The following GLDC variants were observed in gnomAD, a reference collection of about 807,000 sequenced individuals.
GLDC encodes the protein glycine dehydrogenase (decarboxylating), mitochondrial.
A neutral mutation model predicts 121.3 loss-of-function variants in GLDC; 104 were observed. That is an observed-to-expected ratio of 0.86 (90% CI 0.73 to 1.01). GLDC has a LOEUF of 1.01. Ranked by LOEUF, GLDC falls within the 50% of genes least tolerant of loss-of-function variation. The pLI is 0.00. For missense variants in GLDC, 1,429 were observed against 1,306.6 expected (o/e 1.09, Z -1.44); for synonymous variants, 546 against 480.6 (o/e 1.14, Z -1.78).
At chr9:6,586,050 C>T (rs745767323) in intron 15 of GLDC, among the ~76,000 whole-genome samples, 1 of 152,068 alleles carries the variant, frequency 6.6e-6, no homozygotes, top group Admixed American at 6.6e-5. Context: ...AATCCCAACA[C>T]TTTGGGAGGC....
rs1211189662 is a variant in GLDC, at chr9:6,631,228, CAG to C, written c.335-10911_335-10910del. ...GCCTCATTCAGTCCTTCCTGACCCT[CAG>C]GGGTTACCGCTCTCCTCAGGACACC... On this transcript the variant is annotated intron_variant, in intron 2 of 24. Transcript: ENST00000321612. Among the ~76,000 whole-genome samples the C allele has an allele frequency of 2.6e-5, 4 of 152,352 alleles. No homozygotes were observed. The East Asian group carries it at 5.8e-4, about 22-fold the overall frequency.
intron 3 of GLDC, among the ~76,000 whole-genome samples, chr9:6,611,117 G>C (rs1387381923): frequency 6.6e-6 from 1 of 152,156 alleles, no homozygotes; most frequent in Admixed American, 6.6e-5. Context: ...TCATTATCCA[G>C]TTACTAAGAG....
chr9:6,589,890 A>G (rs1301639675), intron 11 of GLDC, among the ~76,000 whole-genome samples: 1 of 152,118 alleles, frequency 6.6e-6, no homozygotes, highest in Non-Finnish European at 1.5e-5. Context: ...CCCCGTCTCT[A>G]CTAAAAAATA....
chr9:6,546,843 T>G (rs774705637), intron 21 of GLDC, among the ~76,000 whole-genome samples: 25 of 151,922 alleles, frequency 1.6e-4, no homozygotes, highest in Non-Finnish European at 3.2e-4. Context: ...ACACCTGTAG[T>G]CCCAGCTACT....
intron 23 of GLDC, 93 bp downstream of exon 23, chr9:6,535,971 C>G (rs1587909418): frequency 1.9e-6 from 2 of 1,049,360 alleles, no homozygotes; most frequent in Non-Finnish European, 1.5e-6. Flanking sequence ...GAGTATCATC[C>G]TCAGTTGAGA....
Position 6,644,509 on chromosome 9 carries a change from C to G in GLDC, c.334+105G>C. 11 of 786,548 alleles carry G rather than the reference C, an allele frequency of 1.4e-5. No homozygotes were observed. In the South Asian group the frequency reaches 1.5e-4, roughly 11 times the overall value. 48.7% of individuals were successfully genotyped at this position (786,548 alleles called of 1,614,324 possible). A position where few individuals can be genotyped will look rare whatever the true frequency, so the allele number is the denominator to read the frequency against. On this transcript the variant is annotated intron_variant, in intron 2 of 24. Transcript: ENST00000321612. Reference sequence around the variant, plus strand: ...ACTGTTTTATTTTAATCCACACATTCCCAGTCCTGAGCAATCCTTACCCCA... The same window carrying G: ...ACTGTTTTATTTTAATCCACACATTGCCAGTCCTGAGCAATCCTTACCCCA...
At chr9:6,533,351 C>G (rs549507530) in intron 24 of GLDC, among the ~76,000 whole-genome samples, 191 bp from the exon 25 acceptor site, 1 of 152,146 alleles carries the variant, frequency 6.6e-6, no homozygotes, top group African/African-American at 2.4e-5. Flanking sequence ...TCCCTGATCA[C>G]CACCCCTGTT....
At chr9:6,556,495 G>A (rs1163275292) in intron 17 of GLDC, among the ~76,000 whole-genome samples, 193 bp from the exon 18 acceptor site, 1 of 152,106 alleles carries the variant, frequency 6.6e-6, no homozygotes, top group Non-Finnish European at 1.5e-5. Context: ...TCATTCCAAA[G>A]AAATAATAAG....
chr9:6,637,251 C>A (rs1819523034), intron 2 of GLDC, among the ~76,000 whole-genome samples: 1 of 151,648 alleles, frequency 6.6e-6, no homozygotes, highest in Admixed American at 6.6e-5. Flanking sequence ...CTAAAATATA[C>A]AAAAATTAGA....
chr9:6,584,245 G>T (rs1818222278), intron 15 of GLDC, among the ~76,000 whole-genome samples: 1 of 152,194 alleles, frequency 6.6e-6, no homozygotes, highest in South Asian at 2.1e-4. Context: ...ACCAGGAAAT[G>T]GTTCCTTGAT....
intron 2 of GLDC, among the ~76,000 whole-genome samples, chr9:6,643,750 G>C (rs752070964): frequency 6.6e-6 from 1 of 151,758 alleles, no homozygotes; most frequent in Admixed American, 6.6e-5. Context: ...AAAACCATTC[G>C]GGGTAGGGCA....
intron 17 of GLDC, among the ~76,000 whole-genome samples, chr9:6,557,328 G>A (rs915453526): frequency 9.2e-5 from 14 of 152,184 alleles, no homozygotes; most frequent in African/African-American, 3.1e-4. Context: ...AGGCGTGGTA[G>A]CTCACGCCTG....
intron 4 of GLDC, among the ~76,000 whole-genome samples, chr9:6,607,169 T>C (rs1359897337): frequency 6.6e-6 from 1 of 152,224 alleles, no homozygotes; most frequent in Non-Finnish European, 1.5e-5. Context: ...ATTTAGAAAG[T>C]CAGTCTTAAG....
At chr9:6,579,124 A>T (rs1325057533) in intron 15 of GLDC, among the ~76,000 whole-genome samples, 1 of 151,766 alleles carries the variant, frequency 6.6e-6, no homozygotes, top group African/African-American at 2.4e-5. Context: ...GTTCTTTCTC[A>T]TTTCTTATTT....
intron 3 of GLDC, among the ~76,000 whole-genome samples, chr9:6,614,973 A>G (rs1818939156): frequency 6.6e-6 from 1 of 152,194 alleles, no homozygotes; most frequent in South Asian, 2.1e-4. Flanking sequence ...AAAATACAGA[A>G]TTACAATTTT....
In GLDC at chr9:6,556,283, T is replaced by G; in HGVS notation, c.2072A>C (p.Asn691Thr). Residue 691 changes from asparagine (N) to threonine (T), a missense_variant, in exon 18 of 25, where the codon AAC (asparagine) becomes ACC (threonine). Coordinates refer to ENST00000321612, the MANE Select transcript of GLDC (RefSeq NM_000170.3). ...LKAMVDKHKE[N>T]LAAIMITYPS... ...GTATGTAATCATGATAGCTGCTAGG[T>G]TCTCCTTGTGCTTATCCACCTGTGA... is the stretch of plus-strand genomic sequence containing the variant. 1.2e-6 allele frequency: 2 copies of G among 1,613,716 alleles called. No homozygotes were observed. Among genetic ancestry groups the G allele is most frequent in the Non-Finnish European group, 1.7e-6 (2 of 1,179,598 alleles).
At chr9:6,553,990 G>GA (rs952340876) in intron 19 of GLDC, among the ~76,000 whole-genome samples, 26 of 146,902 alleles carry the variant, frequency 1.8e-4, no homozygotes, top group South Asian at 2.2e-4. Flanking sequence ...CGTAGTCCAA[G>GA]AAAAAAAAAA....
chr9:6,600,377 GAAAAA>G (rs1262739023), intron 8 of GLDC, among the ~76,000 whole-genome samples: 1 of 111,198 alleles, frequency 9.0e-6, no homozygotes, highest in Non-Finnish European at 2.0e-5. Context: ...TCTGTCTCAA[GAAAAA>G]AAAAAAAAAA....
chr9:6,533,152 C>CAA lies in GLDC; in HGVS notation c.2927_2928insTT (p.Lys977Ter). Reference sequence around the variant, plus strand: ...TTGGCCAGAATTTGTTCTCTGGTTTCACGAAGGGCTGCAAAGGACAAAAGA... The same window carrying CAA: ...TTGGCCAGAATTTGTTCTCTGGTTTCAAACGAAGGGCTGCAAAGGACAAAAGA... On this transcript the variant is annotated frameshift_variant, in exon 25 of 25. Coordinates refer to ENST00000321612, the MANE Select transcript of GLDC (RefSeq NM_000170.3). LOFTEE classifies it high-confidence loss of function. The CAA allele has an allele frequency of 6.2e-7, 1 of 1,613,774 alleles. No individual in the cohort carries two copies. The highest frequency in any genetic ancestry group is 1.1e-5 in the South Asian group (1 of 91,062).
Sources: allele counts gnomAD v4.1 joint callset (sites outside exome capture counted in the v4.1 genomes callset), GRCh38; gene constraint gnomAD v4.1.1; transcripts MANE v1.5; gene names NCBI Gene and HGNC (gene_info 2026-07-23, HGNC 2026-07-21).